The following PTPRD variants were observed in gnomAD, a reference collection of about 807,000 sequenced individuals.
PTPRD encodes the protein protein tyrosine phosphatase receptor type D.
In PTPRD, 34 loss-of-function variants were observed where a neutral mutation model predicts 214.5. The observed-to-expected ratio is 0.16, with a 90% confidence interval of 0.12 to 0.21. The LOEUF (loss-of-function observed/expected upper bound fraction) is 0.21. Ranked by LOEUF, PTPRD falls within the 10% of genes least tolerant of loss-of-function variation. The pLI, the probability that PTPRD is intolerant of heterozygous loss-of-function variation, is 1.00. For missense variants in PTPRD, 2,545 were observed against 2,398.7 expected, an observed-to-expected ratio of 1.06 and a Z score of -1.27; for synonymous variants, 1,128 against 845.7, an observed-to-expected ratio of 1.33 and a Z score of -5.79.
chr9:9,154,757 G>T (rs375540069), intron 10 of PTPRD, among the ~76,000 whole-genome samples: 1 of 152,206 alleles, frequency 6.6e-6, no homozygotes, highest in Non-Finnish European at 1.5e-5. Context: ...TAAAAGAAGA[G>T]TGTAATCTGG....
At position 8,314,710 on chromosome 9, in the gene PTPRD, T is replaced by C. The variant is rs1820906746; in HGVS notation, c.*3164A>G. 2 of 231,904 alleles carry C rather than the reference T, an allele frequency of 8.6e-6. No individual in the cohort carries two copies. Among genetic ancestry groups the C allele is most frequent in the Admixed American group, 5.6e-5 (1 of 17,702 alleles). The allele number at this position is 231,904 out of a possible 1,614,324, so 14.4% of individuals were successfully genotyped here. A position where few individuals can be genotyped will look rare whatever the true frequency, so the allele number is the denominator to read the frequency against. ...GAAAATAAACAGGAAAGAAAAAAAATACGTGCATTACTGCAGACTTTTTTC... is the reference window on the plus strand; with the variant it reads ...GAAAATAAACAGGAAAGAAAAAAAACACGTGCATTACTGCAGACTTTTTTC... On this transcript the variant is annotated 3_prime_UTR_variant, in exon 46 of 46. Coordinates refer to ENST00000381196, the MANE Select transcript of PTPRD (RefSeq NM_002839.4).
intron 2 of PTPRD, among the ~76,000 whole-genome samples, chr9:10,360,921 T>C (rs1234278089): frequency 1.3e-5 from 2 of 151,984 alleles, no homozygotes; most frequent in African/African-American, 2.4e-5. Context: ...GCTAACACGA[T>C]GAAACCCCGT....
At chr9:9,986,526 A>C (rs1453116654) in intron 4 of PTPRD, among the ~76,000 whole-genome samples, 2 of 152,184 alleles carry the variant, frequency 1.3e-5, no homozygotes, top group African/African-American at 4.8e-5. Flanking sequence ...GCCTCAAAGC[A>C]TAATCTCTAA....
intron 9 of PTPRD, among the ~76,000 whole-genome samples, chr9:9,308,158 T>G (rs1957724681): frequency 6.6e-6 from 1 of 152,200 alleles, no homozygotes; most frequent in Non-Finnish European, 1.5e-5. Flanking sequence ...TAATTTGTGT[T>G]AGGCTCTTTT....
chr9:8,462,899 T>C (rs919780934), intron 32 of PTPRD, among the ~76,000 whole-genome samples: 5 of 151,960 alleles, frequency 3.3e-5, no homozygotes, highest in African/African-American at 1.2e-4. Context: ...GGTAGGGATT[T>C]ATATATTATT....
At chr9:10,422,556 C>T (rs141905824) in intron 2 of PTPRD, among the ~76,000 whole-genome samples, 191 of 151,784 alleles carry the variant, frequency 1.3e-3, no homozygotes, top group African/African-American at 3.9e-3. Context: ...TGCAATCTAC[C>T]CATCTGACAA....
intron 3 of PTPRD, among the ~76,000 whole-genome samples, chr9:10,129,651 A>G (rs2098844913): frequency 1.3e-5 from 2 of 152,058 alleles, no homozygotes; most frequent in Admixed American, 6.6e-5. Flanking sequence ...CATTCCAGAT[A>G]TACTTTTCCC....
chr9:10,454,170 T>C (rs1287973734), intron 2 of PTPRD, among the ~76,000 whole-genome samples: 2 of 151,576 alleles, frequency 1.3e-5, no homozygotes, highest in Non-Finnish European at 3.0e-5. Flanking sequence ...ATAAACAGAA[T>C]CTGGATACCC....
At chr9:8,763,930 ATTCTC>A (rs2154478750) in intron 11 of PTPRD, among the ~76,000 whole-genome samples, 1 of 152,334 alleles carries the variant, frequency 6.6e-6, no homozygotes, top group South Asian at 2.1e-4. Flanking sequence ...AGACTGAACT[ATTCTC>A]TTGATAATTT....
At chr9:9,059,512 G>C (rs1240778975) in intron 10 of PTPRD, among the ~76,000 whole-genome samples, 2 of 152,212 alleles carry the variant, frequency 1.3e-5, no homozygotes, top group East Asian at 3.9e-4. Context: ...ACCATGAATG[G>C]ACACAGTTAG....
At chr9:8,539,791 C>A (rs2140147414) in intron 14 of PTPRD, among the ~76,000 whole-genome samples, 1 of 152,126 alleles carries the variant, frequency 6.6e-6, no homozygotes, top group Admixed American at 6.6e-5. Flanking sequence ...CAAAGAAAGA[C>A]TGAGGAACTC....
Position 10,183,001 on chromosome 9 carries a change from A to T in PTPRD, c.-544-149211T>A, listed in dbSNP as rs548785551. 7.2e-4 allele frequency among the ~76,000 whole-genome samples: 110 copies of T among 152,272 alleles called. 1 individual carries two copies. The highest frequency in any genetic ancestry group is 2.6e-3 in the African/African-American group (107 of 41,564). ...GCTTCTAATCTTGGCTAAGTTATTT[A>T]ATCTCTTGCTGTCTACATTTTAAAA... On this transcript the variant is annotated intron_variant, in intron 3 of 45. Transcript: ENST00000381196.
Position 10,116,687 on chromosome 9 carries a change from G to A in PTPRD, c.-544-82897C>T, listed in dbSNP as rs150427118. Among the ~76,000 whole-genome samples the A allele has an allele frequency of 2.0e-3, 301 of 152,220 alleles. 1 individual carries two copies. Among genetic ancestry groups the A allele is most frequent in the Middle Eastern group, 0.01 (3 of 294 alleles). ...AAAAGATTAAATGCACCTGTCTTAAGCAGGAGTCAGGTCATGTCACTGCAC... is the reference window on the plus strand; with the variant it reads ...AAAAGATTAAATGCACCTGTCTTAAACAGGAGTCAGGTCATGTCACTGCAC... On this transcript the variant is annotated intron_variant, in intron 3 of 45. Coordinates refer to ENST00000381196, the MANE Select transcript of PTPRD (RefSeq NM_002839.4).
chr9:10,147,631 G>T (rs2099032368), intron 3 of PTPRD, among the ~76,000 whole-genome samples: 2 of 152,150 alleles, frequency 1.3e-5, no homozygotes, highest in African/African-American at 4.8e-5. Flanking sequence ...TGTAATCCCA[G>T]CACTTTAGGA....
At chr9:10,478,763 A>G (rs558760285) in intron 2 of PTPRD, among the ~76,000 whole-genome samples, 13 of 151,538 alleles carry the variant, frequency 8.6e-5, no homozygotes, top group African/African-American at 2.9e-4. Context: ...TATTCACTCA[A>G]ATAAGTTGAG....
At chr9:10,098,406 A>G (rs2098515763) in intron 3 of PTPRD, among the ~76,000 whole-genome samples, 1 of 151,592 alleles carries the variant, frequency 6.6e-6, no homozygotes, top group Non-Finnish European at 1.5e-5. Context: ...TGACGAGTTA[A>G]TGTGTGCAGC....
At chr9:9,049,647 A>C (rs1234599184) in intron 10 of PTPRD, among the ~76,000 whole-genome samples, 1 of 152,106 alleles carries the variant, frequency 6.6e-6, no homozygotes, top group Non-Finnish European at 1.5e-5. Context: ...GGGCATTTGA[A>C]TAGCAGTGTA....
At chr9:9,715,087 T>C (rs1333341868) in intron 7 of PTPRD, among the ~76,000 whole-genome samples, 1 of 152,176 alleles carries the variant, frequency 6.6e-6, no homozygotes, top group East Asian at 1.9e-4. Context: ...GGGTTTATGC[T>C]GGATCCTCGT....
chr9:8,875,779 G>C (rs1228766951), intron 11 of PTPRD, among the ~76,000 whole-genome samples: 10 of 152,140 alleles, frequency 6.6e-5, no homozygotes, highest in Non-Finnish European at 1.3e-4. Flanking sequence ...GACTTAGTAA[G>C]AGTGGGCTGA....
Sources: allele counts gnomAD v4.1 joint callset (sites outside exome capture counted in the v4.1 genomes callset), GRCh38; gene constraint gnomAD v4.1.1; transcripts MANE v1.5; gene names NCBI Gene and HGNC (gene_info 2026-07-23, HGNC 2026-07-21).